Variants in COL9A3 observed in about 807,000 individuals in gnomAD.
The protein encoded by COL9A3 is collagen alpha-3(IX) chain.
COL9A3 carries 82 observed loss-of-function variants against 110.2 expected under a neutral mutation model. The observed-to-expected ratio is 0.74, with a 90% CI of 0.62 to 0.89. The LOEUF (loss-of-function observed/expected upper bound fraction) is 0.89. COL9A3 is among the 40% of genes least tolerant of loss of function. COL9A3 has a pLI of 0.00. For synonymous variants in COL9A3, 494 were observed against 403.8 expected (o/e 1.22, Z -2.68); for missense variants, 1,066 against 981.3 (o/e 1.09, Z -1.15).
chr20:62,822,035 C>A, intron 8 of COL9A3, 76 bp from the exon 9 acceptor site: 1 of 942,810 alleles, frequency 1.1e-6, no homozygotes, highest in South Asian at 1.3e-5. Context: ...GGCGTGTCCA[C>A]CTCCCTGGGA....
rs985263959 is a variant in COL9A3 at position 62,819,222 on chromosome 20, G to A, written c.184G>A (p.Gly62Arg). ...ATCTCTGCCCTTTCCTCCTGCACAGGGACCAAAGGGGGCCCCAGGAAAGCC... is the reference window on the plus strand; with the variant it reads ...ATCTCTGCCCTTTCCTCCTGCACAGAGACCAAAGGGGGCCCCAGGAAAGCC... ...AGPPGLPGPP[G>R]PKGAPGKPGK... The change falls in exon 4 of 32, where the codon GGA becomes AGA. Residue 62 changes from glycine to arginine, a missense_variant and splice_region_variant. By Grantham distance (125) the Gly-to-Arg change is moderately radical (BLOSUM62 -2). Coordinates refer to ENST00000649368, the MANE Select transcript of COL9A3 (RefSeq NM_001853.4). The A allele has an allele frequency of 3.1e-6, 5 of 1,612,596 alleles. No homozygotes were observed. The African/African-American group carries it at 6.7e-5, about 22-fold the overall frequency.
At chr20:62,824,654 G>A (rs922402281) in intron 11 of COL9A3, among the ~76,000 whole-genome samples, 153 bp downstream of exon 11, 1 of 152,196 alleles carries the variant, frequency 6.6e-6, no homozygotes, top group Non-Finnish European at 1.5e-5. Context: ...TCCTTGTCCC[G>A]CCTTCAGCAC....
In COL9A3 at chr20:62,832,816, C is replaced by T. The variant is rs145930678; in HGVS notation, c.1324-204C>T. 1,033 of 430,962 alleles carry T rather than the reference C, an allele frequency of 2.4e-3. 8 individuals carry two copies. Among genetic ancestry groups the T allele is most frequent in the African/African-American group, 0.02 (532 of 26,924 alleles). 26.7% of individuals were successfully genotyped at this position (430,962 alleles called of 1,614,324 possible). A position where few individuals can be genotyped will look rare whatever the true frequency, so the allele number is the denominator to read the frequency against. On this transcript the variant is annotated intron_variant, in intron 25 of 31. Transcript: ENST00000649368. Reference sequence around the variant, plus strand: ...CCTCATTATGCAAACAAATGTCTTCCGTTTTTTGGCCCCGCCCCTGCCTGC... The same window carrying T: ...CCTCATTATGCAAACAAATGTCTTCTGTTTTTTGGCCCCGCCCCTGCCTGC...
At chr20:62,819,136 A>C (rs1307123279) in intron 3 of COL9A3, 86 bp from the exon 4 acceptor site, 5 of 1,300,440 alleles carry the variant, frequency 3.8e-6, no homozygotes, top group Admixed American at 1.8e-5. Flanking sequence ...GCTGGGGGGA[A>C]GTGGAAAGCA....
intron 8 of COL9A3, 45 bp from the exon 9 acceptor site, chr20:62,822,066 G>T (rs754425521): frequency 8.4e-7 from 1 of 1,188,876 alleles, no homozygotes; most frequent in Admixed American, 1.7e-5. Context: ...ACCTCACTCA[G>T]GTGGGGGCTG....
chr20:62,819,137 G>C, intron 3 of COL9A3, 85 bp from the exon 4 acceptor site: 1 of 1,348,746 alleles, frequency 7.4e-7, no homozygotes, highest in South Asian at 1.2e-5. Context: ...CTGGGGGGAA[G>C]TGGAAAGCAT....
At chr20:62,829,337 C>A in intron 19 of COL9A3, 118 bp from the exon 20 acceptor site, 1 of 1,365,418 alleles carries the variant, frequency 7.3e-7, no homozygotes, top group Non-Finnish European at 1.0e-6. Context: ...GAGAAGTTGG[C>A]CCTGCCTTTG....
In COL9A3 at chr20:62,836,255, T is replaced by G; in HGVS notation, c.1470T>G (p.Gly490=). Reference sequence around the variant, plus strand: ...CCAACGGCACCAGCGGTGTTCAGGGTGTCCCCGGGCCCCCCGGTCCTCTGG... The same window carrying G: ...CCAACGGCACCAGCGGTGTTCAGGGGGTCCCCGGGCCCCCCGGTCCTCTGG... ...QGPNGTSGVQ[G]VPGPPGPLGL... The change falls in exon 28 of 32, where the codon GGT becomes GGG. Residue 490 remains glycine (G), a synonymous_variant. Coordinates refer to ENST00000649368, the MANE Select transcript of COL9A3 (RefSeq NM_001853.4). 6.2e-7 allele frequency: 1 copy of G among 1,613,698 alleles called. No individual in the cohort carries two copies. Among genetic ancestry groups the G allele is most frequent in the South Asian group, 1.1e-5 (1 of 91,074 alleles).
intron 5 of COL9A3, among the ~76,000 whole-genome samples, 198 bp downstream of exon 5, chr20:62,820,180 C>T (rs558991151): frequency 3.9e-5 from 6 of 151,968 alleles, no homozygotes; most frequent in Non-Finnish European, 7.4e-5. Flanking sequence ...CTCACCTCCA[C>T]GTATGGTCAG....
chr20:62,832,245 C>T (rs1330866583), intron 25 of COL9A3, 56 bp downstream of exon 25: 5 of 1,563,674 alleles, frequency 3.2e-6, no homozygotes, highest in Admixed American at 3.3e-5. Flanking sequence ...CACAGCTTCT[C>T]CCAGGCTCCT....
At chr20:62,832,959 G>A in intron 25 of COL9A3, 61 bp from the exon 26 acceptor site, 1 of 1,442,836 alleles carries the variant, frequency 6.9e-7, no homozygotes, top group Non-Finnish European at 9.8e-7. Flanking sequence ...GGGACTTTAA[G>A]GCATGAAGTC....
intron 21 of COL9A3, 28 bp from the exon 22 acceptor site, chr20:62,829,738 C>T: frequency 6.3e-7 from 1 of 1,594,206 alleles, no homozygotes; most frequent in South Asian, 1.1e-5. Context: ...CAGACCCTGC[C>T]CTGACACCCT....
At chr20:62,840,038 C>T (rs903267677) in intron 31 of COL9A3, among the ~76,000 whole-genome samples, 5 of 151,828 alleles carry the variant, frequency 3.3e-5, no homozygotes, top group African/African-American at 9.7e-5. Context: ...AGCAGCCTCC[C>T]GGCCGCACCA....
chr20:62,838,207 C>T (rs984228339), intron 30 of COL9A3, among the ~76,000 whole-genome samples: 6 of 152,208 alleles, frequency 3.9e-5, no homozygotes, highest in African/African-American at 1.4e-4. Context: ...TAGGTTCTGA[C>T]GGCTGTGCCA....
chr20:62,841,048 T>TAAAG lies in COL9A3; in HGVS notation c.*318_*321dup. On this transcript the variant is annotated 3_prime_UTR_variant, in exon 32 of 32. Transcript: ENST00000649368. ...GTAACTTGTTTACATAGCATTTGTG[T>TAAAG]AAAGACTATGATCTCATCCCAATAA... The TAAAG allele has an allele frequency of 2.8e-6, 1 of 351,496 alleles. No homozygotes were observed. Among genetic ancestry groups the TAAAG allele is most frequent in the Non-Finnish European group, 5.4e-6 (1 of 186,006 alleles). The allele number at this position is 351,496 out of a possible 1,614,324, so 21.8% of individuals were successfully genotyped here.
At chr20:62,834,214 C>T (rs916528250) in intron 26 of COL9A3, among the ~76,000 whole-genome samples, 13 of 151,856 alleles carry the variant, frequency 8.6e-5, no homozygotes, top group Admixed American at 2.6e-4. Context: ...TTCACCATGT[C>T]GGCCAGGCTG....
At position 62,824,468 on chromosome 20, in the gene COL9A3, T is replaced by TCCCCCAGGG; in HGVS notation, c.549_557dup (p.Pro185_Gly187dup). 2 of 1,600,004 alleles carry TCCCCCAGGG rather than the reference T, an allele frequency of 1.3e-6. No individual in the cohort carries two copies. The highest frequency in any genetic ancestry group is 1.7e-6 in the Non-Finnish European group (2 of 1,173,314). ...AGTGCCCAAGTATCTGCCCGCCAGG[T>TCCCCCAGGG]CCCCCAGGGCCCCCTGGAATGCCAG... On this transcript the variant is annotated inframe_insertion, in exon 11 of 32. Coordinates refer to ENST00000649368, the MANE Select transcript of COL9A3 (RefSeq NM_001853.4).
intron 11 of COL9A3, 109 bp downstream of exon 11, chr20:62,824,610 C>G (rs1600795021): frequency 8.5e-7 from 1 of 1,183,152 alleles, no homozygotes; most frequent in Non-Finnish European, 1.2e-6. Context: ...GACCCTGGTT[C>G]CAGGGTTGCC....
rs951282985 is a variant in COL9A3 at position 62,819,874 on chromosome 20, G to C, written c.256-55G>C. ...GTCCGTGCTTCCATTTTTGCCTGGG[G>C]GGTGGCATGTGCTTCCCATGTGGCC... On this transcript the variant is annotated intron_variant, in intron 4 of 31. Transcript: ENST00000649368. The C allele has an allele frequency of 5.8e-5, 93 of 1,604,018 alleles. No individual in the cohort carries two copies. The South Asian group carries it at 9.6e-4, about 17-fold the overall frequency.
Sources: gnomAD v4.1 joint callset for allele counts (sites outside exome capture counted in the v4.1 genomes callset) on GRCh38, gnomAD v4.1.1 for gene constraint, MANE v1.5 for transcripts, NCBI Gene and HGNC (gene_info 2026-07-23, HGNC 2026-07-21) for gene names.